MRO: variants seen among roughly 807,000 people sequenced by gnomAD.
MRO encodes protein maestro.
A neutral mutation model predicts 31.0 loss-of-function variants in MRO; 28 were observed. The observed-to-expected ratio is 0.90, with a 90% CI of 0.67 to 1.24. The LOEUF (loss-of-function observed/expected upper bound fraction) is 1.24. Among genes scored for constraint, MRO ranks in the 50% most tolerant of loss-of-function variants. The probability of loss-of-function intolerance (pLI) is 0.00; values close to 1 mark genes in which losing one functional copy is unlikely to be tolerated. For synonymous variants in MRO, 108 were observed against 108.4 expected (o/e 1.00, Z 0.02); for missense variants, 332 against 289.2 (o/e 1.15, Z -1.07).
intron 5 of MRO, among the ~76,000 whole-genome samples, chr18:50,803,935 C>T (rs1913659069): frequency 6.6e-6 from 1 of 152,256 alleles, no homozygotes; most frequent in Admixed American, 6.5e-5. Context: ...AGCTTGCAGT[C>T]AGGGTCTCTG....
At chr18:50,802,261 C>A (rs867501211) in intron 5 of MRO, among the ~76,000 whole-genome samples, 14 of 152,098 alleles carry the variant, frequency 9.2e-5, no homozygotes, top group Non-Finnish European at 1.8e-4. Flanking sequence ...ATATAATAAT[C>A]ATGTTTCTTC....
At chr18:50,816,163 C>T (rs1359088997) in intron 2 of MRO, 3 of 152,738 alleles carry the variant, frequency 2.0e-5, no homozygotes, top group African/African-American at 7.2e-5. Flanking sequence ...AACTAAAAAT[C>T]TGCCACGGAA....
Position 50,809,397 on chromosome 18 carries a change from C to T in MRO, c.4G>A (p.Asp2Asn). The change falls in exon 3 of 8, where the codon GAC becomes AAC. Residue 2 changes from aspartate (D) to asparagine (N), a missense_variant. Transcript: ENST00000398439. M[D>N]QRQRRILGQP... Reference sequence around the variant, plus strand: ...CCCAGGATTCTCCTCTGTCTTTGGTCCATGGAACTAAAAACAAAACAAAAC... The same window carrying T: ...CCCAGGATTCTCCTCTGTCTTTGGTTCATGGAACTAAAAACAAAACAAAAC... The T allele has an allele frequency of 1.2e-6, 2 of 1,611,002 alleles. No individual in the cohort carries two copies. Among genetic ancestry groups the T allele is most frequent in the Non-Finnish European group, 1.7e-6 (2 of 1,178,292 alleles).
At position 50,805,336 on chromosome 18, in the gene MRO, C is replaced by T. The variant is rs766722676; in HGVS notation, c.247G>A (p.Val83Met). ...AGGACAATTTTCTTATACTTTCTCACCTGTCACCAAGGTTTGAAAAGCAGT... is the reference window on the plus strand; with the variant it reads ...AGGACAATTTTCTTATACTTTCTCATCTGTCACCAAGGTTTGAAAAGCAGT... ...GTMAYEAPDK[V>M]RKYKKIVLDL... The change falls in exon 5 of 8, where the codon GTG becomes ATG. Residue 83 changes from valine (V) to methionine (M), a missense_variant and splice_region_variant. Coordinates refer to ENST00000398439, the MANE Select transcript of MRO (RefSeq NM_031939.6). 6.2e-7 allele frequency: 1 copy of T among 1,613,148 alleles called. No individual in the cohort carries two copies. The highest frequency in any genetic ancestry group is 1.1e-5 in the South Asian group (1 of 90,822).
At chr18:50,810,652 A>G (rs1232239438) in intron 2 of MRO, among the ~76,000 whole-genome samples, 3 of 152,208 alleles carry the variant, frequency 2.0e-5, no homozygotes, top group Non-Finnish European at 2.9e-5. Flanking sequence ...TAGCTTACCA[A>G]GTGATTCTGA....
At chr18:50,822,398 G>A (rs927705302), upstream of MRO, among the ~76,000 whole-genome samples, 2 of 152,266 alleles carry the variant, frequency 1.3e-5, no homozygotes, top group Non-Finnish European at 2.9e-5. Flanking sequence ...GAGTGCAGTG[G>A]GGGGAACTTG....
At chr18:50,822,687 TCCCCCGCCCCCCGC>T (rs1018372833), upstream of MRO, among the ~76,000 whole-genome samples, 7 of 135,288 alleles carry the variant, frequency 5.2e-5, no homozygotes, top group East Asian at 2.3e-4. Flanking sequence ...AGGAAATACA[TCCCCCGCCCCCCGC>T]CCCCCGCCCC....
At chr18:50,805,579 C>T (rs1484971045) in intron 4 of MRO, among the ~76,000 whole-genome samples, 1 of 152,102 alleles carries the variant, frequency 6.6e-6, no homozygotes, top group East Asian at 1.9e-4. Context: ...GTGGGTGAGG[C>T]TCAGTGGGGC....
At chr18:50,808,610 C>T (rs1914158937) in intron 3 of MRO, among the ~76,000 whole-genome samples, 3 of 151,690 alleles carry the variant, frequency 2.0e-5, no homozygotes, top group Admixed American at 6.6e-5. Flanking sequence ...GTGCATGCCA[C>T]CATGCCCAGC....
At position 50,798,526 on chromosome 18, in the gene MRO, A is replaced by C. The variant is rs1388991516; in HGVS notation, c.*811T>G. ...ACTGTTTACTGAGTTATCTGGGGAA[A>C]GTTACCTAATTTCCCTATGTGTTAG... On this transcript the variant is annotated 3_prime_UTR_variant, in exon 8 of 8. Coordinates refer to ENST00000398439, the MANE Select transcript of MRO (RefSeq NM_031939.6). 6.6e-6 allele frequency: 1 copy of C among 152,324 alleles called. No homozygotes were observed. Among genetic ancestry groups the C allele is most frequent in the Middle Eastern group, 3.4e-3 (1 of 294 alleles). 9.4% of individuals were successfully genotyped at this position (152,324 alleles called of 1,614,324 possible). A position where few individuals can be genotyped will look rare whatever the true frequency, so the allele number is the denominator to read the frequency against.
At position 50,796,249 on chromosome 18, in the gene MRO, C is replaced by T. The variant is rs1207447633; in HGVS notation, c.*3088G>A. ...TGACCCTCATTTGTCAAAATGGGCT[C>T]CTCCCAGTAAGGAATGACAGCTTCA... On this transcript the variant is annotated 3_prime_UTR_variant, in exon 8 of 8. Coordinates refer to ENST00000398439, the MANE Select transcript of MRO (RefSeq NM_031939.6). 1 of 152,072 alleles carries T rather than the reference C, an allele frequency of 6.6e-6. No homozygotes were observed. Among genetic ancestry groups the T allele is most frequent in the Non-Finnish European group, 1.5e-5 (1 of 68,028 alleles). 9.4% of individuals were successfully genotyped at this position (152,072 alleles called of 1,614,324 possible).
intron 3 of MRO, 97 bp downstream of exon 3, chr18:50,809,205 A>T: frequency 1.6e-6 from 1 of 620,716 alleles, no homozygotes. Context: ...AAGGAACTTC[A>T]GTGGAGCAGG....
Position 50,806,636 on chromosome 18 carries a change from G to A in MRO, c.246+68C>T, listed in dbSNP as rs1913963672. The A allele has an allele frequency of 2.5e-6, 4 of 1,575,380 alleles. No individual in the cohort carries two copies. The African/African-American group carries it at 5.4e-5, about 21-fold the overall frequency. ...ACAACAGACACCATACTCCAGCCCT[G>A]GGAGTCTCCACACCAAGGTGGTTGG... On this transcript the variant is annotated intron_variant, in intron 4 of 7. Transcript: ENST00000398439.
chr18:50,804,633 CA>C (rs1378577931), intron 5 of MRO, among the ~76,000 whole-genome samples: 1 of 151,602 alleles, frequency 6.6e-6, no homozygotes, highest in Admixed American at 6.6e-5. Flanking sequence ...CTCAAACAGA[CA>C]AAAAAACCCT....
At chr18:50,799,873 T>C (rs1391320382) in intron 7 of MRO, among the ~76,000 whole-genome samples, 163 bp downstream of exon 7, 1 of 152,186 alleles carries the variant, frequency 6.6e-6, no homozygotes, top group Non-Finnish European at 1.5e-5. Context: ...ATGGTGCCAC[T>C]GCACTTGCTC....
rs112607674 is a variant in MRO, at chr18:50,805,144, A to G, written c.429+10T>C. ...ATTTCAATAACCCAGAATTTTTCTG[A>G]TTTACTTACGTCATCTAATAAAGTC... On this transcript the variant is annotated intron_variant, in intron 5 of 7. Coordinates refer to ENST00000398439, the MANE Select transcript of MRO (RefSeq NM_031939.6). 1.1e-3 allele frequency: 1,726 copies of G among 1,604,828 alleles called. 21 individuals are homozygous for G. In the African/African-American group the frequency reaches 0.021, roughly 19 times the overall value.
chr18:50,816,312 T>C (rs968307916), intron 2 of MRO: 4 of 152,388 alleles, frequency 2.6e-5, no homozygotes, highest in Non-Finnish European at 5.9e-5. Context: ...AACATCCCTA[T>C]GGTCTTTTAT....
At position 50,806,498 on chromosome 18, in the gene MRO, C is replaced by T. The variant is rs191832843; in HGVS notation, c.246+206G>A. Among the ~76,000 whole-genome samples, 19 of 152,290 alleles carry T rather than the reference C, an allele frequency of 1.2e-4. No homozygotes were observed. The East Asian group carries it at 3.7e-3, about 29-fold the overall frequency. ...GCCTCGTGAGATCCTAAGCAGATGA[C>T]CCAGCTGAGCTGCACCTGGACTCCT... On this transcript the variant is annotated intron_variant, in intron 4 of 7. Coordinates refer to ENST00000398439, the MANE Select transcript of MRO (RefSeq NM_031939.6).
upstream of MRO, among the ~76,000 whole-genome samples, chr18:50,824,447 T>C (rs1047577298): frequency 6.8e-6 from 1 of 146,682 alleles, no homozygotes; most frequent in Non-Finnish European, 1.5e-5. Flanking sequence ...TCTTTTCTTT[T>C]TTTTTTTCTT....
Sources: allele counts gnomAD v4.1 joint callset (sites outside exome capture counted in the v4.1 genomes callset), GRCh38; gene constraint gnomAD v4.1.1; transcripts MANE v1.5; gene names NCBI Gene and HGNC (gene_info 2026-07-23, HGNC 2026-07-21).